NOS1AP: variants seen among roughly 807,000 people sequenced by gnomAD.
NOS1AP encodes the protein nitric oxide synthase 1 adaptor protein.
In NOS1AP, 21 loss-of-function variants were observed where a neutral mutation model predicts 56.2. The observed-to-expected ratio is 0.37, with a 90% CI of 0.26 to 0.54. The LOEUF (loss-of-function observed/expected upper bound fraction) is 0.54, where lower values mean the gene tolerates loss of function less well. Among genes scored for constraint, NOS1AP ranks in the 20% least tolerant of loss-of-function variants. The pLI, the probability that NOS1AP is intolerant of heterozygous loss-of-function variation, is 0.84. For missense variants in NOS1AP, 522 were observed against 657.8 expected, an observed-to-expected ratio of 0.79 and a Z score of 2.26; for synonymous variants, 270 against 274.6, an observed-to-expected ratio of 0.98 and a Z score of 0.17.
intron 1 of NOS1AP, among the ~76,000 whole-genome samples, chr1:162,073,893 G>T (rs910570371): frequency 2.6e-5 from 4 of 152,198 alleles, no homozygotes; most frequent in African/African-American, 9.6e-5. Flanking sequence ...AATCTCACAT[G>T]CCCTGAGAGC....
rs974873915 is a variant in NOS1AP, at chr1:162,184,486, C to G, written c.177+30010C>G. Among the ~76,000 whole-genome samples, 3 of 152,178 alleles carry G rather than the reference C, an allele frequency of 2.0e-5. No homozygotes were observed. In the East Asian group the frequency reaches 5.8e-4, roughly 29 times the overall value. ...CAAACAAACAAAAAAACCCCAATAT[C>G]TGTAAAGCACAACAGAGTGAAATGC... On this transcript the variant is annotated intron_variant, in intron 2 of 9. Transcript: ENST00000361897.
At chr1:162,362,888 C>T in intron 8 of NOS1AP, 1 of 930,750 alleles carries the variant, frequency 1.1e-6, no homozygotes, top group Non-Finnish European at 1.3e-6. Flanking sequence ...CATCTGACAT[C>T]CAGATTACAA....
chr1:162,196,968 A>G (rs530356965), intron 2 of NOS1AP, among the ~76,000 whole-genome samples: 2 of 152,168 alleles, frequency 1.3e-5, no homozygotes, highest in South Asian at 4.2e-4. Flanking sequence ...TTCCAGCTGT[A>G]ACTAAATGAG....
At chr1:162,284,571 G>A (rs1349588880) in intron 2 of NOS1AP, among the ~76,000 whole-genome samples, 1 of 146,134 alleles carries the variant, frequency 6.8e-6, no homozygotes, top group Non-Finnish European at 1.5e-5. Context: ...AAATCATTTG[G>A]TCATGCTTTT....
Position 162,287,345 on chromosome 1 carries a change from A to G in NOS1AP, c.179A>G (p.Tyr60Cys), listed in dbSNP as rs1373344682. 3.1e-6 allele frequency: 5 copies of G among 1,604,596 alleles called. No homozygotes were observed. The highest frequency in any genetic ancestry group is 1.1e-5 in the South Asian group (1 of 90,868). ...TTTTTGTTTTCTTCTTTCTTGCAGTATGAGTTTAAAGCCAAGAACATCAAG... is the reference window on the plus strand; with the variant it reads ...TTTTTGTTTTCTTCTTTCTTGCAGTGTGAGTTTAAAGCCAAGAACATCAAG... ...EIVAAMRRIR[Y>C]EFKAKNIKKK... The change falls in exon 3 of 10, where the codon TAT (tyrosine) becomes TGT (cysteine). Residue 60 changes from tyrosine to cysteine, a missense_variant and splice_region_variant. By Grantham distance (194) the Tyr-to-Cys change is radical. Transcript: ENST00000361897.
chr1:162,296,391 C>A (rs1259735227), intron 3 of NOS1AP, among the ~76,000 whole-genome samples: 1 of 152,108 alleles, frequency 6.6e-6, no homozygotes, highest in Admixed American at 6.5e-5. Flanking sequence ...TTGATGATTT[C>A]CTGATCTCTT....
intron 2 of NOS1AP, among the ~76,000 whole-genome samples, chr1:162,244,615 T>A (rs1269265016): frequency 6.6e-6 from 1 of 152,326 alleles, no homozygotes. Context: ...ATTTCTATTA[T>A]ACTATATTGC....
chr1:162,301,949 T>C (rs1655676861), intron 4 of NOS1AP, among the ~76,000 whole-genome samples: 1 of 152,212 alleles, frequency 6.6e-6, no homozygotes, highest in Non-Finnish European at 1.5e-5. Flanking sequence ...AGGTGTGAAA[T>C]ACTCATGCCA....
intron 2 of NOS1AP, among the ~76,000 whole-genome samples, chr1:162,178,473 A>G (rs946150461): frequency 4.6e-5 from 7 of 152,252 alleles, no homozygotes; most frequent in Non-Finnish European, 1.0e-4. Flanking sequence ...ACATGGTGCT[A>G]GTTGCTAATA....
intron 2 of NOS1AP, among the ~76,000 whole-genome samples, chr1:162,171,574 G>A (rs993278154): frequency 6.6e-6 from 1 of 152,106 alleles, no homozygotes; most frequent in Non-Finnish European, 1.5e-5. Context: ...TGCTAAAGTT[G>A]CATTGTCTAA....
chr1:162,142,857 G>A (rs776118723), intron 1 of NOS1AP, among the ~76,000 whole-genome samples: 5 of 152,142 alleles, frequency 3.3e-5, no homozygotes, highest in South Asian at 2.1e-4. Context: ...TTAGGACAGC[G>A]TGGAATATAT....
At chr1:162,224,084 G>A (rs2101660776) in intron 2 of NOS1AP, among the ~76,000 whole-genome samples, 1 of 152,084 alleles carries the variant, frequency 6.6e-6, no homozygotes, top group East Asian at 1.9e-4. Flanking sequence ...CAGGTTTAAA[G>A]GCTGTAGAGT....
At chr1:162,195,888 T>C (rs1651789327) in intron 2 of NOS1AP, among the ~76,000 whole-genome samples, 1 of 152,230 alleles carries the variant, frequency 6.6e-6, no homozygotes, top group Non-Finnish European at 1.5e-5. Context: ...AGAGAAGTCA[T>C]AATATCGTTG....
At chr1:162,077,955 C>A (rs4233385) in intron 1 of NOS1AP, among the ~76,000 whole-genome samples, 2 of 152,062 alleles carry the variant, frequency 1.3e-5, no homozygotes, top group African/African-American at 2.4e-5. Context: ...TCTGCTGCCC[C>A]CTTCTCTATC....
In NOS1AP at chr1:162,097,471, T is replaced by A. The variant is rs1692272804; in HGVS notation, c.105+27189T>A. ...TTTCAACATTTTCTGTAATCTGTGA[T>A]CATAATAGTGTTCTTCTATATCTTC... On this transcript the variant is annotated intron_variant, in intron 1 of 9. Transcript: ENST00000361897. Among the ~76,000 whole-genome samples, 4 of 152,120 alleles carry A rather than the reference T, an allele frequency of 2.6e-5. No individual in the cohort carries two copies. The South Asian group carries it at 8.3e-4, about 31-fold the overall frequency.
intron 1 of NOS1AP, among the ~76,000 whole-genome samples, chr1:162,126,268 T>G (rs1318505294): frequency 4.6e-5 from 7 of 152,318 alleles, no homozygotes; most frequent in Admixed American, 4.6e-4. Flanking sequence ...GTGCCCTTTA[T>G]TTCTTTCTCT....
intron 1 of NOS1AP, among the ~76,000 whole-genome samples, chr1:162,101,907 C>G (rs769755174): frequency 6.6e-6 from 1 of 152,188 alleles, no homozygotes; most frequent in Non-Finnish European, 1.5e-5. Flanking sequence ...TTGACTTCCT[C>G]TCTTCCTATT....
At chr1:162,166,245 C>G (rs1248669198) in intron 2 of NOS1AP, among the ~76,000 whole-genome samples, 1 of 152,246 alleles carries the variant, frequency 6.6e-6, no homozygotes, top group Non-Finnish European at 1.5e-5. Context: ...CCTGGCTCAT[C>G]TGTATAAGGA....
intron 5 of NOS1AP, among the ~76,000 whole-genome samples, chr1:162,333,384 G>A (rs144013525): frequency 6.6e-6 from 1 of 152,266 alleles, no homozygotes; most frequent in East Asian, 1.9e-4. Flanking sequence ...AACAGCACCG[G>A]GAGTGATGCT....
Sources: allele counts gnomAD v4.1 joint callset (sites outside exome capture counted in the v4.1 genomes callset), GRCh38; gene constraint gnomAD v4.1.1; transcripts MANE v1.5; gene names NCBI Gene and HGNC (gene_info 2026-07-23, HGNC 2026-07-21).